WDR37: variants seen among roughly 807,000 people sequenced by gnomAD.
The protein encoded by WDR37 is WD repeat-containing protein 37.
A neutral mutation model predicts 62.9 loss-of-function variants in WDR37; 19 were observed. That is an observed-to-expected ratio of 0.30 (90% confidence interval 0.21 to 0.44). The LOEUF is 0.44. Ranked by LOEUF, WDR37 falls within the 20% of genes least tolerant of loss-of-function variation. The pLI, the probability that WDR37 is intolerant of heterozygous loss-of-function variation, is 1.00. For synonymous variants in WDR37, 250 were observed against 260.9 expected, an observed-to-expected ratio of 0.96 and a Z score of 0.40; for missense variants, 474 against 657.6, an observed-to-expected ratio of 0.72 and a Z score of 3.05.
intron 8 of WDR37, among the ~76,000 whole-genome samples, chr10:1,094,741 CAT>C (rs1406926810): frequency 2.6e-5 from 4 of 151,644 alleles, no homozygotes; most frequent in African/African-American, 9.7e-5. Flanking sequence ...AGGTAATGGA[CAT>C]AGAGAGGGGA....
At chr10:1,094,250 A>G (rs941230015) in intron 8 of WDR37, among the ~76,000 whole-genome samples, 1 of 152,224 alleles carries the variant, frequency 6.6e-6, no homozygotes, top group Admixed American at 6.5e-5. Flanking sequence ...CGGACAGTGC[A>G]CTGATGAGTG....
At chr10:1,113,950 CTTTTTTT>C (rs56654628) in intron 11 of WDR37, among the ~76,000 whole-genome samples, 16 of 76,198 alleles carry the variant, frequency 2.1e-4, no homozygotes, top group Admixed American at 6.3e-4. Context: ...GGTAAAATGC[CTTTTTTT>C]TTTTTTTTTT....
chr10:1,096,126 C>T (rs1240750947), intron 8 of WDR37, 44 bp from the exon 9 acceptor site: 7 of 1,600,988 alleles, frequency 4.4e-6, no homozygotes, highest in Admixed American at 3.3e-5. Flanking sequence ...CGCATTTTAC[C>T]ATGGTCTGTG....
chr10:1,079,615 ATC>A (rs1206605101), intron 3 of WDR37, among the ~76,000 whole-genome samples: 1 of 150,858 alleles, frequency 6.6e-6, no homozygotes, highest in Middle Eastern at 3.3e-3. Context: ...GCTCACTGCA[ATC>A]TCTGCCTCCC....
intron 7 of WDR37, among the ~76,000 whole-genome samples, chr10:1,089,977 C>CT: frequency 6.6e-6 from 1 of 151,934 alleles, no homozygotes; most frequent in Non-Finnish European, 1.5e-5. Flanking sequence ...GGGGATTTTT[C>CT]TTTTTTTGAG....
At chr10:1,104,356 G>C (rs1016419082) in intron 10 of WDR37, among the ~76,000 whole-genome samples, 2 of 152,242 alleles carry the variant, frequency 1.3e-5, no homozygotes, top group Non-Finnish European at 2.9e-5. Context: ...GGGCTCCTCT[G>C]GGCGTGCAGA....
chr10:1,121,372 C>T lies in WDR37; in HGVS notation c.1104-2846C>T, dbSNP rs955453602. Among the ~76,000 whole-genome samples the T allele has an allele frequency of 6.6e-6, 1 of 152,174 alleles. No homozygotes were observed. Among genetic ancestry groups the T allele is most frequent in the Non-Finnish European group, 1.5e-5 (1 of 68,036 alleles). On this transcript the variant is annotated intron_variant, in intron 11 of 13. Coordinates refer to ENST00000263150, the MANE Select transcript of WDR37 (RefSeq NM_014023.4). This position sits in a 1 kb window ranked among gnomAD's most constrained non-coding sequence, Gnocchi z 4.5. Reference sequence around the variant, plus strand: ...ACCTCTCCTCTCATTCTTCCAGGCTCCCCCAGCAGCCGAAGTCCTCTAAGC... The same window carrying T: ...ACCTCTCCTCTCATTCTTCCAGGCTTCCCCAGCAGCCGAAGTCCTCTAAGC...
At chr10:1,080,385 TTTGA>T (rs1226525822) in intron 4 of WDR37, 23 bp from the exon 5 acceptor site, 1 of 1,613,948 alleles carries the variant, frequency 6.2e-7, no homozygotes, top group Non-Finnish European at 8.5e-7. Flanking sequence ...TGTGATTGTG[TTTGA>T]TTGTCACTCT....
At chr10:1,075,076 G>C (rs540793267) in intron 2 of WDR37, among the ~76,000 whole-genome samples, 2 of 152,200 alleles carry the variant, frequency 1.3e-5, no homozygotes, top group Non-Finnish European at 2.9e-5. Context: ...TCAACAACTC[G>C]TTTGAGAGTC....
intron 11 of WDR37, among the ~76,000 whole-genome samples, chr10:1,112,886 G>A (rs1168473356): frequency 2.0e-5 from 3 of 152,262 alleles, no homozygotes; most frequent in African/African-American, 7.2e-5. Context: ...TAACATGAGA[G>A]TGCAAGGTGA....
chr10:1,107,579 C>G (rs1835064399), intron 11 of WDR37, among the ~76,000 whole-genome samples: 4 of 152,074 alleles, frequency 2.6e-5, no homozygotes, highest in Admixed American at 2.6e-4. Context: ...GAAACACACG[C>G]CCACTAACCC....
chr10:1,072,377 G>C (rs1347954274), intron 2 of WDR37, 84 bp downstream of exon 2: 7 of 1,544,464 alleles, frequency 4.5e-6, no homozygotes, highest in Non-Finnish European at 6.2e-6. Flanking sequence ...GAGTGCGATG[G>C]TGCGATCTCC....
In WDR37 at chr10:1,105,170, C is replaced by A; in HGVS notation, c.1006C>A (p.Arg336=). Residue 336 remains arginine (R), a synonymous_variant, in exon 11 of 14, where the codon CGG becomes AGG. Transcript: ENST00000263150. This position sits in a 1 kb window ranked among gnomAD's most constrained non-coding sequence, Gnocchi z 5.3. ...LTHCCTHPTQ[R]LVVTSSRDTT... is the part of the protein sequence containing the mutation. The stretch of plus-strand genomic sequence containing the variant: ...GCACTGCTGCACACACCCCACCCAG[C>A]GGCTCGTGGTGACCTCCTCCCGTGA... 1 of 1,614,140 alleles carries A rather than the reference C, an allele frequency of 6.2e-7. No homozygotes were observed. The highest frequency in any genetic ancestry group is 8.5e-7 in the Non-Finnish European group (1 of 1,180,028).
intron 1 of WDR37, among the ~76,000 whole-genome samples, chr10:1,065,089 CA>C (rs1564495309): frequency 6.6e-6 from 1 of 152,022 alleles, no homozygotes; most frequent in African/African-American, 2.4e-5. Context: ...AAGGAAATGA[CA>C]AAAGAAATGT....
chr10:1,124,134 C>T (rs966991514), intron 11 of WDR37, 84 bp from the exon 12 acceptor site: 3 of 1,579,836 alleles, frequency 1.9e-6, no homozygotes, highest in Non-Finnish European at 2.6e-6. Context: ...CTCCTTCCCA[C>T]CCACTTGGTC....
chr10:1,063,036 A>T (rs2131603533), intron 1 of WDR37, among the ~76,000 whole-genome samples: 1 of 152,022 alleles, frequency 6.6e-6, no homozygotes, highest in South Asian at 2.1e-4. Flanking sequence ...CAGTGAGCCA[A>T]GATTGTGCCA....
chr10:1,066,155 A>C (rs1036729581), intron 1 of WDR37, among the ~76,000 whole-genome samples: 1 of 152,038 alleles, frequency 6.6e-6, no homozygotes, highest in Non-Finnish European at 1.5e-5. Context: ...TTGCTCTGTC[A>C]CCCAGGTTGG....
chr10:1,074,983 C>T (rs1213042055), intron 2 of WDR37, among the ~76,000 whole-genome samples: 4 of 152,152 alleles, frequency 2.6e-5, no homozygotes, highest in South Asian at 2.1e-4. Flanking sequence ...GTGTTGGTGT[C>T]GATGTGATGG....
intron 11 of WDR37, among the ~76,000 whole-genome samples, chr10:1,119,884 T>G (rs1029954108): frequency 3.3e-5 from 5 of 152,198 alleles, no homozygotes; most frequent in African/African-American, 1.2e-4. Flanking sequence ...CGAGAGGGGT[T>G]TGGAGAGTAG....
Sources: allele counts gnomAD v4.1 joint callset (sites outside exome capture counted in the v4.1 genomes callset), GRCh38; gene constraint gnomAD v4.1.1; non-coding constraint Gnocchi (gnomAD v3.1); transcripts MANE v1.5; gene names NCBI Gene and HGNC (gene_info 2026-07-23, HGNC 2026-07-21).